The following SLC25A21 variants were observed in gnomAD, a reference collection of about 807,000 sequenced individuals.
SLC25A21 encodes the protein mitochondrial 2-oxodicarboxylate carrier.
SLC25A21 carries 47 observed loss-of-function variants against 43.8 expected under a neutral mutation model. That is an observed-to-expected ratio of 1.07 (90% CI 0.85 to 1.37). The LOEUF is 1.37. Among genes scored for constraint, SLC25A21 ranks in the 40% most tolerant of loss-of-function variants. The pLI, the probability that SLC25A21 is intolerant of heterozygous loss-of-function variation, is 0.00. For missense variants in SLC25A21, 352 were observed against 350.2 expected (o/e 1.00, Z -0.04); for synonymous variants, 131 against 121.3 (o/e 1.08, Z -0.52).
intron 1 of SLC25A21, among the ~76,000 whole-genome samples, chr14:37,033,213 C>A (rs1961257525): frequency 6.6e-6 from 1 of 152,204 alleles, no homozygotes; most frequent in African/African-American, 2.4e-5. Flanking sequence ...AAAGTGGAAT[C>A]ATACTGTCTT....
chr14:36,934,445 C>T (rs779443658), intron 1 of SLC25A21, among the ~76,000 whole-genome samples: 4 of 147,696 alleles, frequency 2.7e-5, no homozygotes, highest in Non-Finnish European at 5.9e-5. Flanking sequence ...TTACACTTAA[C>T]CTGTGTCTGT....
intron 1 of SLC25A21, among the ~76,000 whole-genome samples, chr14:36,952,140 G>A (rs1892826982): frequency 6.6e-6 from 1 of 152,054 alleles, no homozygotes. Context: ...GCTGAGGCAG[G>A]AGAATCACCT....
At chr14:37,099,345 A>G (rs1962772471) in intron 1 of SLC25A21, among the ~76,000 whole-genome samples, 1 of 152,032 alleles carries the variant, frequency 6.6e-6, no homozygotes, top group Admixed American at 6.6e-5. Flanking sequence ...TCCCCTTAAC[A>G]TTTAAACCCG....
At chr14:36,870,152 T>C (rs1459717805) in intron 2 of SLC25A21, among the ~76,000 whole-genome samples, 1 of 152,166 alleles carries the variant, frequency 6.6e-6, no homozygotes, top group Non-Finnish European at 1.5e-5. Context: ...ATGCGACAGA[T>C]GTAAGAAGGG....
intron 2 of SLC25A21, among the ~76,000 whole-genome samples, chr14:36,843,591 C>T (rs1205079568): frequency 6.8e-6 from 1 of 147,824 alleles, no homozygotes; most frequent in Non-Finnish European, 1.5e-5. Flanking sequence ...CATAACATGA[C>T]AATATTTTGC....
chr14:37,114,609 T>C (rs769432649), intron 1 of SLC25A21, among the ~76,000 whole-genome samples: 6 of 152,204 alleles, frequency 3.9e-5, no homozygotes, highest in Admixed American at 6.5e-5. Flanking sequence ...CAATATATCA[T>C]AGAATTTCTT....
chr14:36,679,833 A>AGT lies in SLC25A21; in HGVS notation c.*824_*825insAC. 3 of 985,022 alleles carry AGT rather than the reference A, an allele frequency of 3.0e-6. No homozygotes were observed. The highest frequency in any genetic ancestry group is 5.2e-4 in the Middle Eastern group (1 of 1,914). 61.0% of individuals were successfully genotyped at this position (985,022 alleles called of 1,614,324 possible). ...TTTCCAATTTGTGATTTAACATGAC[A>AGT]ATATCTCATCAACAAAACTTATCTT... On this transcript the variant is annotated 3_prime_UTR_variant, in exon 10 of 10. Transcript: ENST00000331299.
chr14:37,085,034 C>T (rs1206434374), intron 1 of SLC25A21, among the ~76,000 whole-genome samples: 1 of 151,820 alleles, frequency 6.6e-6, no homozygotes, highest in Admixed American at 6.6e-5. Flanking sequence ...TTTAACTGGG[C>T]TTTATTATCA....
At chr14:37,046,723 T>C (rs2138791686) in intron 1 of SLC25A21, among the ~76,000 whole-genome samples, 1 of 152,334 alleles carries the variant, frequency 6.6e-6, no homozygotes. Flanking sequence ...ACATTCATGA[T>C]TGTGCTCTGC....
intron 1 of SLC25A21, among the ~76,000 whole-genome samples, chr14:36,961,210 G>GT (rs1959484274): frequency 7.0e-6 from 1 of 142,808 alleles, no homozygotes. Flanking sequence ...ACGTGTTTTC[G>GT]TTTTTTGGTT....
At chr14:36,693,449 C>T (rs187009106) in intron 7 of SLC25A21, among the ~76,000 whole-genome samples, 170 of 152,148 alleles carry the variant, frequency 1.1e-3, no homozygotes, top group African/African-American at 4.0e-3. Flanking sequence ...TAAAAATTAT[C>T]ATCATGGGCT....
intron 6 of SLC25A21, among the ~76,000 whole-genome samples, chr14:36,716,073 A>C (rs1173257440): frequency 3.3e-5 from 5 of 152,088 alleles, no homozygotes; most frequent in Non-Finnish European, 7.3e-5. Context: ...CCTGGGAGAC[A>C]GAGTGAGACT....
At chr14:36,956,429 T>G (rs1457340332) in intron 1 of SLC25A21, among the ~76,000 whole-genome samples, 1 of 152,242 alleles carries the variant, frequency 6.6e-6, no homozygotes, top group African/African-American at 2.4e-5. Context: ...TTAATGAGGT[T>G]AGTAATGCAT....
intron 1 of SLC25A21, among the ~76,000 whole-genome samples, chr14:37,138,807 AT>A (rs1963525260): frequency 6.6e-6 from 1 of 152,114 alleles, no homozygotes; most frequent in African/African-American, 2.4e-5. Flanking sequence ...GCTATTTTAA[AT>A]GTTTATATTC....
At chr14:37,031,173 T>C (rs1179352723) in intron 1 of SLC25A21, among the ~76,000 whole-genome samples, 1 of 152,208 alleles carries the variant, frequency 6.6e-6, no homozygotes, top group East Asian at 1.9e-4. Context: ...AGAGACAAGA[T>C]GAGATAACAG....
At chr14:36,916,087 A>G (rs2138618037) in intron 1 of SLC25A21, among the ~76,000 whole-genome samples, 1 of 152,354 alleles carries the variant, frequency 6.6e-6, no homozygotes, top group African/African-American at 2.4e-5. Flanking sequence ...ACAAAGAAGT[A>G]AAATGTGGTT....
At chr14:37,026,533 C>A (rs1961096504) in intron 1 of SLC25A21, among the ~76,000 whole-genome samples, 1 of 151,812 alleles carries the variant, frequency 6.6e-6, no homozygotes, top group Non-Finnish European at 1.5e-5. Flanking sequence ...GCTTATACCC[C>A]AACCCAAACC....
At chr14:36,789,954 T>C (rs1345934454) in intron 3 of SLC25A21, among the ~76,000 whole-genome samples, 1 of 130,144 alleles carries the variant, frequency 7.7e-6, no homozygotes, top group Non-Finnish European at 1.6e-5. Context: ...ATAATATGTA[T>C]ATATAAAATA....
chr14:37,030,613 AATTCCCGGGACG>A (rs1412856640), intron 1 of SLC25A21, among the ~76,000 whole-genome samples: 3 of 152,190 alleles, frequency 2.0e-5, no homozygotes, highest in African/African-American at 7.2e-5. Context: ...TTTTTGACAG[AATTCCCGGGACG>A]AATCTAGTAG....
Sources: gnomAD v4.1 joint callset for allele counts (sites outside exome capture counted in the v4.1 genomes callset) on GRCh38, gnomAD v4.1.1 for gene constraint, MANE v1.5 for transcripts, NCBI Gene and HGNC (gene_info 2026-07-23, HGNC 2026-07-21) for gene names.